Variants in ANKRD45 observed in about 807,000 individuals in gnomAD.
ANKRD45 encodes the protein ankyrin repeat domain-containing protein 45.
Under a neutral mutation model 28.1 loss-of-function variants are expected in ANKRD45, and 21 were observed. That is an observed-to-expected ratio of 0.75 (90% CI 0.53 to 1.08). The LOEUF is 1.08. ANKRD45 is among the 50% of genes least tolerant of loss of function. ANKRD45 has a pLI of 0.00. For missense variants in ANKRD45, 261 were observed against 308.7 expected (o/e 0.85, Z 1.16); for synonymous variants, 86 against 103.9 (o/e 0.83, Z 1.05).
At chr1:173,633,999 G>A (rs950387232) in intron 3 of ANKRD45, among the ~76,000 whole-genome samples, 5 of 151,936 alleles carry the variant, frequency 3.3e-5, no homozygotes, top group South Asian at 4.2e-4. Context: ...GGATTATTAC[G>A]TTAAAAAGCT....
chr1:173,627,208 C>G (rs1056754063), intron 3 of ANKRD45, 49 bp from the exon 4 acceptor site: 1 of 1,293,664 alleles, frequency 7.7e-7, no homozygotes, highest in Non-Finnish European at 1.1e-6. Context: ...ACACAAGAGG[C>G]AAAGCAAGAT....
At chr1:173,694,927 C>T in the ANKRD45 span, among the ~76,000 whole-genome samples, 1 of 152,120 alleles carries the variant, frequency 6.6e-6, no homozygotes, top group Non-Finnish European at 1.5e-5. Context: ...CAGAAAACAA[C>T]AGATTCTAAT....
intron 3 of ANKRD45, among the ~76,000 whole-genome samples, chr1:173,638,624 T>C (rs1283416111): frequency 4.6e-5 from 7 of 152,136 alleles, no homozygotes; most frequent in Admixed American, 2.6e-4. Context: ...CACCTGTGGC[T>C]ACAGCAATAT....
rs189084549 is a variant in ANKRD45, at chr1:173,614,266, A to T, written c.731-4051T>A. Among the ~76,000 whole-genome samples the T allele has an allele frequency of 1.1e-4, 16 of 147,180 alleles. 1 individual carries two copies. The East Asian group carries it at 1.2e-3, about 11-fold the overall frequency. The stretch of plus-strand genomic sequence containing the variant: ...TGAGAAACACCCAAGAATGATCAAT[A>T]AAAAAAAAAAAATAAATAAAATAAA... On this transcript the variant is annotated intron_variant, in intron 5 of 5. Transcript: ENST00000333279.
chr1:173,683,432 AAAC>A, the ANKRD45 span, among the ~76,000 whole-genome samples: 5 of 152,118 alleles, frequency 3.3e-5, no homozygotes, highest in Admixed American at 1.3e-4. Flanking sequence ...TAAAACTCCA[AAAC>A]AACAACAACA....
chr1:173,658,849 T>C, intron 2 of ANKRD45: 1 of 415,678 alleles, frequency 2.4e-6, no homozygotes, highest in Non-Finnish European at 3.8e-6. Flanking sequence ...CACAAAAAGA[T>C]CAGGTAACTT....
At chr1:173,691,037 G>A in the ANKRD45 span, among the ~76,000 whole-genome samples, 1 of 152,208 alleles carries the variant, frequency 6.6e-6, no homozygotes, top group Non-Finnish European at 1.5e-5. Flanking sequence ...CAGTGGGGAT[G>A]TCTCACCTCT....
intron 3 of ANKRD45, among the ~76,000 whole-genome samples, chr1:173,632,606 C>A (rs1368583362): frequency 6.6e-6 from 1 of 150,596 alleles, no homozygotes; most frequent in African/African-American, 2.4e-5. Context: ...AAATCCTCAA[C>A]AAAATGCTAT....
chr1:173,638,095 AGT>A lies in ANKRD45; in HGVS notation c.496+8749_496+8750del, dbSNP rs57442264. Among the ~76,000 whole-genome samples, 503 of 149,130 alleles carry A rather than the reference AGT, an allele frequency of 3.4e-3. 16 individuals carry two copies. The East Asian group carries it at 0.069, about 21-fold the overall frequency. On this transcript the variant is annotated intron_variant, in intron 3 of 5. Transcript: ENST00000333279. Reference sequence around the variant, plus strand: ...CTTGGTGGTCAGCTTTTGGAGGCTGAGTGTGTGTGTGTGTGTGTGTGAACGAC... The same window carrying A: ...CTTGGTGGTCAGCTTTTGGAGGCTGAGTGTGTGTGTGTGTGTGTGAACGAC...
At position 173,627,079 on chromosome 1, in the gene ANKRD45, G is replaced by C; in HGVS notation, c.577C>G (p.Leu193Val). The C allele has an allele frequency of 6.2e-7, 1 of 1,608,374 alleles. No homozygotes were observed. The highest frequency in any genetic ancestry group is 1.7e-5 in the Admixed American group (1 of 59,970). ...TDTEKGSGKL[L>V]KEDKNTILSA... ...CAATACAGTACCTTGTCTTCCTTAA[G>C]GAGTTTCCCTGATCCCTTTTCTGTG... The change falls in exon 4 of 6, where the codon CTT becomes GTT. Residue 193 changes from leucine to valine, a missense_variant. Coordinates refer to ENST00000333279, the MANE Select transcript of ANKRD45 (RefSeq NM_198493.3).
At chr1:173,647,788 ACTCT>A in intron 2 of ANKRD45, among the ~76,000 whole-genome samples, 1 of 145,960 alleles carries the variant, frequency 6.9e-6, no homozygotes, top group Admixed American at 6.6e-5. Flanking sequence ...GTGTCTAAAT[ACTCT>A]AAACTGTTTT....
intron 3 of ANKRD45, among the ~76,000 whole-genome samples, chr1:173,633,602 T>A (rs1457772342): frequency 1.3e-5 from 2 of 152,074 alleles, no homozygotes; most frequent in African/African-American, 4.8e-5. Flanking sequence ...CAAATTATAC[T>A]ACAGAGCTAT....
chr1:173,625,118 A>G (rs778852612), intron 4 of ANKRD45, among the ~76,000 whole-genome samples, 193 bp from the exon 5 acceptor site: 4 of 152,188 alleles, frequency 2.6e-5, no homozygotes, highest in Admixed American at 1.3e-4. Flanking sequence ...GTGACTAAGG[A>G]ACTACATTTT....
chr1:173,698,986 G>T, the ANKRD45 span, among the ~76,000 whole-genome samples: 1 of 151,726 alleles, frequency 6.6e-6, no homozygotes, highest in African/African-American at 2.4e-5. Context: ...ATGATAAAAA[G>T]GATATCACCA....
intron 3 of ANKRD45, among the ~76,000 whole-genome samples, chr1:173,638,150 T>C (rs1668537478): frequency 6.6e-6 from 1 of 151,504 alleles, no homozygotes; most frequent in African/African-American, 2.4e-5. Flanking sequence ...ACAGAGTGCA[T>C]GAACACAAAC....
At chr1:173,618,699 G>A (rs928861889) in intron 5 of ANKRD45, among the ~76,000 whole-genome samples, 2 of 152,174 alleles carry the variant, frequency 1.3e-5, no homozygotes, top group Non-Finnish European at 2.9e-5. Flanking sequence ...ATAAAACCAA[G>A]TTGGAAAACA....
At chr1:173,632,528 C>CA (rs539157127) in intron 3 of ANKRD45, among the ~76,000 whole-genome samples, 2,659 of 114,478 alleles carry the variant, frequency 0.023, 35 homozygotes, top group South Asian at 0.034. Flanking sequence ...AAAGACACAT[C>CA]AAAAAAAAAA....
the ANKRD45 span, among the ~76,000 whole-genome samples, chr1:173,697,937 C>T: frequency 3.4e-5 from 5 of 149,196 alleles, no homozygotes; most frequent in East Asian, 9.8e-4. Flanking sequence ...AGTACAGACA[C>T]ACATATAGGC....
rs547025527 is a variant in ANKRD45 at position 173,660,298 on chromosome 1, C to A, written c.-15-865G>T. Among the ~76,000 whole-genome samples the A allele has an allele frequency of 5.5e-4, 83 of 152,208 alleles. 1 individual carries two copies. In the South Asian group the frequency reaches 0.016, roughly 30 times the overall value. On this transcript the variant is annotated intron_variant, in intron 1 of 5. Transcript: ENST00000333279. ...AGTACCAGAGTCCCTTCATTACGTA[C>A]AAGAATGTTTGTGGCATCACTGTTC...
Sources: gnomAD v4.1 joint callset for allele counts (sites outside exome capture counted in the v4.1 genomes callset) on GRCh38, gnomAD v4.1.1 for gene constraint, MANE v1.5 for transcripts, NCBI Gene and HGNC (gene_info 2026-07-23, HGNC 2026-07-21) for gene names.